Variants in PHF21A observed in about 807,000 individuals in gnomAD.
PHF21A encodes BHC80a.
A neutral mutation model predicts 82.5 loss-of-function variants in PHF21A; 11 were observed. That is an observed-to-expected ratio of 0.13 (90% confidence interval 0.08 to 0.22). PHF21A has a LOEUF of 0.22. Among genes scored for constraint, PHF21A ranks in the 10% least tolerant of loss-of-function variants. The pLI is 1.00. For missense variants in PHF21A, 579 were observed against 837.8 expected (o/e 0.69, Z 3.81); for synonymous variants, 297 against 302.8 (o/e 0.98, Z 0.20).
chr11:45,967,249 T>TC (rs2093492528), intron 9 of PHF21A, among the ~76,000 whole-genome samples: 1 of 151,792 alleles, frequency 6.6e-6, no homozygotes, highest in African/African-American at 2.4e-5. Flanking sequence ...ACACTTGTAA[T>TC]CCCAGCTACT....
At chr11:46,027,060 T>C (rs1047682395) in intron 6 of PHF21A, 1 of 152,160 alleles carries the variant, frequency 6.6e-6, no homozygotes, top group African/African-American at 2.4e-5. Flanking sequence ...ACGCAAATCA[T>C]CATTCCTATC....
At chr11:45,966,725 T>C (rs112357074) in intron 9 of PHF21A, among the ~76,000 whole-genome samples, 74 of 152,272 alleles carry the variant, frequency 4.9e-4, no homozygotes, top group African/African-American at 1.8e-3. Flanking sequence ...GTTCAAGTGA[T>C]TCTCCTGCCC....
rs372061206 is a variant in PHF21A, at chr11:46,107,020, G to A, written c.-237+13915C>T. Reference sequence around the variant, plus strand: ...CCAACTGTCCTCCAGCTGTCCCCACGGCTGCCTCTTCTGCAGGAAGAATGG... The same window carrying A: ...CCAACTGTCCTCCAGCTGTCCCCACAGCTGCCTCTTCTGCAGGAAGAATGG... On this transcript the variant is annotated intron_variant, in intron 1 of 18. Coordinates refer to ENST00000676320, the MANE Select transcript of PHF21A (RefSeq NM_001352027.3). 2.6e-4 allele frequency among the ~76,000 whole-genome samples: 39 copies of A among 152,236 alleles called. No homozygotes were observed. The East Asian group carries it at 2.9e-3, about 11-fold the overall frequency.
At chr11:46,007,918 T>A (rs1421459819) in intron 6 of PHF21A, among the ~76,000 whole-genome samples, 2 of 152,174 alleles carry the variant, frequency 1.3e-5, no homozygotes, top group African/African-American at 4.8e-5. Context: ...CAATAATCCG[T>A]GTTGTTATGT....
chr11:46,095,772 C>A (rs1247095444), intron 1 of PHF21A, among the ~76,000 whole-genome samples: 2 of 152,016 alleles, frequency 1.3e-5, no homozygotes, highest in Non-Finnish European at 2.9e-5. Context: ...AAGTTTAATA[C>A]TAGATCATGT....
rs1260573877 is a variant in PHF21A, at chr11:46,014,967, G to A, written c.154-35001C>T. Among the ~76,000 whole-genome samples the A allele has an allele frequency of 2.9e-4, 12 of 41,382 alleles. 2 individuals are homozygous for A. The highest frequency in any genetic ancestry group is 3.6e-4 in the Non-Finnish European group (10 of 27,654). The allele number at this position is 41,382 out of a possible 152,430, so 27.1% of individuals were successfully genotyped here. A position where few individuals can be genotyped will look rare whatever the true frequency, so the allele number is the denominator to read the frequency against. On this transcript the variant is annotated intron_variant, in intron 6 of 18. Transcript: ENST00000676320. ...TGCACTCCAGCCTGGGCGACAGAGC[G>A]AGACTCCGTCTCAAAAAAAAAAAAA...
chr11:46,054,563 C>T (rs1004189236), intron 6 of PHF21A, among the ~76,000 whole-genome samples: 1 of 152,178 alleles, frequency 6.6e-6, no homozygotes, highest in Non-Finnish European at 1.5e-5. Context: ...TATTAGGGTA[C>T]CAGCTAGGGC....
intron 18 of PHF21A, chr11:45,935,354 GT>G: frequency 2.0e-5 from 17 of 855,822 alleles, no homozygotes; most frequent in Non-Finnish European, 2.5e-5. Flanking sequence ...TGGCTACACT[GT>G]TGTAGCTGTT....
chr11:46,038,095 T>C (rs567093126), intron 6 of PHF21A, among the ~76,000 whole-genome samples: 6 of 152,224 alleles, frequency 3.9e-5, no homozygotes, highest in Non-Finnish European at 7.4e-5. Context: ...CTGTATTGAG[T>C]TTACTTGTAT....
intron 6 of PHF21A, among the ~76,000 whole-genome samples, chr11:45,994,398 CG>C (rs921335546): frequency 1.3e-5 from 2 of 152,134 alleles, no homozygotes; most frequent in Non-Finnish European, 2.9e-5. Flanking sequence ...AAAGGGGCTG[CG>C]GAAATACCAT....
chr11:45,963,702 A>C (rs2093258213), intron 10 of PHF21A, among the ~76,000 whole-genome samples: 1 of 152,196 alleles, frequency 6.6e-6, no homozygotes, highest in African/African-American at 2.4e-5. Context: ...GGTAAAGAGA[A>C]ATAATATTTA....
chr11:46,048,622 T>C (rs532310616), intron 6 of PHF21A, among the ~76,000 whole-genome samples: 1 of 151,886 alleles, frequency 6.6e-6, no homozygotes, highest in East Asian at 1.9e-4. Flanking sequence ...ATACAAAAAT[T>C]AGCCGGGCAT....
intron 6 of PHF21A, 138 bp downstream of exon 6, chr11:46,076,616 A>G (rs1184394022): frequency 1.4e-5 from 9 of 649,346 alleles, no homozygotes; most frequent in Admixed American, 2.6e-5. Context: ...ACAGAGCTCA[A>G]ACAAAATTAA....
intron 6 of PHF21A, among the ~76,000 whole-genome samples, chr11:45,987,657 T>G (rs2094540642): frequency 5.7e-5 from 3 of 52,222 alleles, no homozygotes; most frequent in Non-Finnish European, 1.0e-4. Flanking sequence ...CAAGACCCCG[T>G]CTCAAAAAAA....
In PHF21A at chr11:45,938,137, G is replaced by C; in HGVS notation, c.1608+20C>G. On this transcript the variant is annotated intron_variant, in intron 16 of 18. Coordinates refer to ENST00000676320, the MANE Select transcript of PHF21A (RefSeq NM_001352027.3). Reference sequence around the variant, plus strand: ...CTTTGTCCTCCTCGGCCCCTCCCCTGTTGGACCCACCCACAGTACCTGGTC... The same window carrying C: ...CTTTGTCCTCCTCGGCCCCTCCCCTCTTGGACCCACCCACAGTACCTGGTC... 1.3e-6 allele frequency: 2 copies of C among 1,559,472 alleles called. No homozygotes were observed. Among genetic ancestry groups the C allele is most frequent in the Non-Finnish European group, 1.7e-6 (2 of 1,148,956 alleles).
At chr11:46,079,059 T>C (rs1024514232) in intron 5 of PHF21A, 75 bp downstream of exon 5, 13 of 869,638 alleles carry the variant, frequency 1.5e-5, no homozygotes, top group Non-Finnish European at 2.3e-5. Context: ...CATCTATATT[T>C]AAGTATTTTA....
At position 45,998,985 on chromosome 11, in the gene PHF21A, C is replaced by T. The variant is rs545077671; in HGVS notation, c.154-19019G>A. Among the ~76,000 whole-genome samples, 25 of 152,034 alleles carry T rather than the reference C, an allele frequency of 1.6e-4. 1 individual carries two copies. The highest frequency in any genetic ancestry group is 4.6e-4 in the African/African-American group (19 of 41,428). ...GGGATTACAGGCACCTGCCACCACG[C>T]CTGGCTAATTTTTATATTTTTTGCA... is the stretch of plus-strand genomic sequence containing the variant. On this transcript the variant is annotated intron_variant, in intron 6 of 18. Coordinates refer to ENST00000676320, the MANE Select transcript of PHF21A (RefSeq NM_001352027.3).
chr11:46,063,009 G>A (rs2096554142), intron 6 of PHF21A, among the ~76,000 whole-genome samples: 1 of 152,166 alleles, frequency 6.6e-6, no homozygotes, highest in Admixed American at 6.5e-5. Flanking sequence ...CATCTTGATC[G>A]TGATGACGGT....
chr11:46,090,042 T>C (rs1486218108), intron 3 of PHF21A, among the ~76,000 whole-genome samples: 2 of 151,768 alleles, frequency 1.3e-5, no homozygotes, highest in African/African-American at 4.8e-5. Flanking sequence ...CACATTCTTC[T>C]ATTTCCTAAC....
Sources: gnomAD v4.1 joint callset for allele counts (sites outside exome capture counted in the v4.1 genomes callset) on GRCh38, gnomAD v4.1.1 for gene constraint, MANE v1.5 for transcripts, NCBI Gene and HGNC (gene_info 2026-07-23, HGNC 2026-07-21) for gene names.